Variants in SEMA5A observed in about 807,000 individuals in gnomAD.
The protein encoded by SEMA5A is semaphorin-5A.
A neutral mutation model predicts 135.5 loss-of-function variants in SEMA5A; 55 were observed. The observed-to-expected ratio is 0.41, with a 90% CI of 0.33 to 0.51. The LOEUF (loss-of-function observed/expected upper bound fraction) is 0.51, where lower values mean the gene tolerates loss of function less well. SEMA5A is among the 20% of genes least tolerant of loss of function. SEMA5A has a pLI of 0.37. For synonymous variants in SEMA5A, 580 were observed against 546.5 expected (o/e 1.06, Z -0.85); for missense variants, 1,290 against 1,419.9 (o/e 0.91, Z 1.47).
intron 8 of SEMA5A, among the ~76,000 whole-genome samples, chr5:9,224,038 C>G (rs1336200548): frequency 6.6e-6 from 1 of 152,088 alleles, no homozygotes; most frequent in African/African-American, 2.4e-5. Context: ...GGATGCAATA[C>G]CTGAATTTGC....
At chr5:9,254,179 T>C (rs7727000) in intron 5 of SEMA5A, among the ~76,000 whole-genome samples, 1,541 of 152,330 alleles carry the variant, frequency 0.01, 19 homozygotes, top group African/African-American at 0.031. Flanking sequence ...GCACCTATTA[T>C]GTAACAGAAT....
At chr5:9,161,890 T>C (rs1743277294) in intron 11 of SEMA5A, among the ~76,000 whole-genome samples, 1 of 152,188 alleles carries the variant, frequency 6.6e-6, no homozygotes, top group African/African-American at 2.4e-5. Context: ...CAAGGTGAAG[T>C]GACAGCTCAC....
rs79460840 is a variant in SEMA5A, at chr5:9,054,157, C to T, written c.2619G>A (p.Pro873=). 436 of 1,613,884 alleles carry T rather than the reference C, an allele frequency of 2.7e-4. No homozygotes were observed. In the East Asian group the frequency reaches 7.6e-3, roughly 28 times the overall value. ...CCAGGCAGATGTCCCCTCCATAGGC[C>T]GGGGCTGGATTGGAGCAAGAGCGGG... is the stretch of plus-strand genomic sequence containing the variant. The part of the protein sequence containing the change: ...MRTRSCSNPA[P]AYGGDICLGL... Residue 873 remains proline, a synonymous_variant, in exon 19 of 23, where the codon CCG becomes CCA. Coordinates refer to ENST00000382496, the MANE Select transcript of SEMA5A (RefSeq NM_003966.3).
At chr5:9,355,049 G>A (rs13154624) in intron 3 of SEMA5A, among the ~76,000 whole-genome samples, 101,030 of 152,036 alleles carry the variant, frequency 0.66, 34,368 homozygotes, top group South Asian at 0.76. Flanking sequence ...TTCTATGGGA[G>A]AGGTTGGCAA....
At chr5:9,209,154 C>T (rs1057153946) in intron 8 of SEMA5A, among the ~76,000 whole-genome samples, 3 of 152,202 alleles carry the variant, frequency 2.0e-5, no homozygotes, top group Non-Finnish European at 4.4e-5. Context: ...CCAAAACTCA[C>T]ACCTACAATT....
intron 1 of SEMA5A, among the ~76,000 whole-genome samples, chr5:9,508,384 T>C (rs1352985165): frequency 6.6e-6 from 1 of 152,190 alleles, no homozygotes; most frequent in East Asian, 1.9e-4. Context: ...CTATCACCAC[T>C]GTAAATGTCG....
intron 1 of SEMA5A, among the ~76,000 whole-genome samples, chr5:9,470,960 C>A (rs1266083672): frequency 6.6e-6 from 1 of 152,058 alleles, no homozygotes; most frequent in African/African-American, 2.4e-5. Flanking sequence ...AAAAAGCGAT[C>A]CTAGTTATTT....
chr5:9,318,341 T>C, intron 5 of SEMA5A, 31 bp downstream of exon 5: 2 of 1,599,414 alleles, frequency 1.3e-6, no homozygotes. Context: ...GGATGGAAAA[T>C]GAAAGCTTGA....
At chr5:9,167,546 C>G (rs1270090896) in intron 11 of SEMA5A, among the ~76,000 whole-genome samples, 1 of 152,148 alleles carries the variant, frequency 6.6e-6, no homozygotes, top group Non-Finnish European at 1.5e-5. Flanking sequence ...CCAGAACACC[C>G]CAGGACTTTC....
intron 3 of SEMA5A, among the ~76,000 whole-genome samples, chr5:9,350,357 G>T (rs558335221): frequency 3.9e-5 from 6 of 152,206 alleles, no homozygotes; most frequent in Non-Finnish European, 7.3e-5. Flanking sequence ...TGACTCAGCA[G>T]GTCTGCGGTA....
chr5:9,201,329 C>G (rs1415486753), intron 9 of SEMA5A, among the ~76,000 whole-genome samples: 1 of 152,182 alleles, frequency 6.6e-6, no homozygotes, highest in Non-Finnish European at 1.5e-5. Flanking sequence ...AAGCTTAAGA[C>G]AGCCGAAATA....
intron 8 of SEMA5A, among the ~76,000 whole-genome samples, chr5:9,218,551 A>C (rs1746760968): frequency 6.6e-6 from 1 of 152,198 alleles, no homozygotes; most frequent in Non-Finnish European, 1.5e-5. Context: ...GGAATGCAAA[A>C]ATTTTGCTGA....
intron 1 of SEMA5A, among the ~76,000 whole-genome samples, chr5:9,445,538 G>A (rs868180600): frequency 2.6e-5 from 4 of 151,956 alleles, no homozygotes; most frequent in African/African-American, 7.2e-5. Context: ...GTGTGGTGGC[G>A]GGTGCCTGTA....
chr5:9,200,795 T>C lies in SEMA5A; in HGVS notation c.932+1160A>G, dbSNP rs1806108. 2.0e-3 allele frequency among the ~76,000 whole-genome samples: 310 copies of C among 152,204 alleles called. 1 individual carries two copies. The highest frequency in any genetic ancestry group is 6.8e-3 in the Middle Eastern group (2 of 294). On this transcript the variant is annotated intron_variant, in intron 9 of 22. Coordinates refer to ENST00000382496, the MANE Select transcript of SEMA5A (RefSeq NM_003966.3). ...AAATAAGCTGCAGGTAAAGGGACTT[T>C]TTAGAAATACCACTCATGGGCAGGC...
chr5:9,199,090 C>A (rs1745568217), intron 9 of SEMA5A, among the ~76,000 whole-genome samples: 1 of 152,048 alleles, frequency 6.6e-6, no homozygotes, highest in Admixed American at 6.5e-5. Flanking sequence ...TTGCATGGGG[C>A]CCCAGGTTTC....
At chr5:9,403,494 A>G (rs1414122257) in intron 2 of SEMA5A, among the ~76,000 whole-genome samples, 2 of 152,062 alleles carry the variant, frequency 1.3e-5, no homozygotes, top group Non-Finnish European at 2.9e-5. Context: ...CACCTCACTA[A>G]CATTCAGCTG....
chr5:9,155,488 T>C (rs1322323955), intron 11 of SEMA5A, among the ~76,000 whole-genome samples: 2 of 152,082 alleles, frequency 1.3e-5, no homozygotes, highest in South Asian at 2.1e-4. Flanking sequence ...CCAGGTACCC[T>C]GTGCTGCACC....
chr5:9,415,453 G>A (rs1411810153), intron 2 of SEMA5A, among the ~76,000 whole-genome samples: 1 of 152,128 alleles, frequency 6.6e-6, no homozygotes, highest in East Asian at 1.9e-4. Context: ...GCACACACCA[G>A]AGCATAAATA....
intron 18 of SEMA5A, among the ~76,000 whole-genome samples, chr5:9,056,873 C>A (rs889322805): frequency 6.6e-6 from 1 of 152,170 alleles, no homozygotes; most frequent in Non-Finnish European, 1.5e-5. Context: ...TCAGAACAAC[C>A]TAAATGTCCA....
Sources: allele counts gnomAD v4.1 joint callset (sites outside exome capture counted in the v4.1 genomes callset), GRCh38; gene constraint gnomAD v4.1.1; transcripts MANE v1.5; gene names NCBI Gene and HGNC (gene_info 2026-07-23, HGNC 2026-07-21).